The following MALT1 variants were observed in gnomAD, a reference collection of about 807,000 sequenced individuals.
MALT1 encodes MALT1 paracaspase.
Under a neutral mutation model 85.5 loss-of-function variants are expected in MALT1, and 36 were observed. The ratio of observed to expected loss-of-function variants is 0.42; its 90% CI spans 0.32 to 0.56. The LOEUF is 0.56. Ranked by LOEUF, MALT1 falls within the 20% of genes least tolerant of loss-of-function variation. MALT1 has a pLI of 0.10. For missense variants in MALT1, 716 were observed against 981.6 expected, an observed-to-expected ratio of 0.73 and a Z score of 3.62; for synonymous variants, 359 against 361.3, an observed-to-expected ratio of 0.99 and a Z score of 0.07.
intron 15 of MALT1, among the ~76,000 whole-genome samples, chr18:58,745,106 G>C (rs1271903491): frequency 6.6e-6 from 1 of 151,828 alleles, no homozygotes; most frequent in African/African-American, 2.4e-5. Flanking sequence ...CCAGAATTGA[G>C]TGGCCACCCC....
At chr18:58,679,204 C>T (rs1016218609) in intron 1 of MALT1, among the ~76,000 whole-genome samples, 1 of 152,170 alleles carries the variant, frequency 6.6e-6, no homozygotes, top group Non-Finnish European at 1.5e-5. Flanking sequence ...TGGTATACCA[C>T]TACTGCACAC....
At chr18:58,738,121 C>T (rs1373471798) in intron 13 of MALT1, among the ~76,000 whole-genome samples, 1 of 152,126 alleles carries the variant, frequency 6.6e-6, no homozygotes, top group Non-Finnish European at 1.5e-5. Flanking sequence ...TCCCTTCCCC[C>T]ACTCCATGAT....
Position 58,719,473 on chromosome 18 carries a change from G to A in MALT1, c.1018+3506G>A, listed in dbSNP as rs546121486. ...TTGGTTCCTTCTCCCTCCCTGAGTG[G>A]TCTCTCCATGTAGCTGTTTTCTTTA... On this transcript the variant is annotated intron_variant, in intron 9 of 16. Transcript: ENST00000649217. 3.3e-5 allele frequency among the ~76,000 whole-genome samples: 5 copies of A among 151,950 alleles called. No homozygotes were observed. In the South Asian group the frequency reaches 1.0e-3, roughly 32 times the overall value.
At chr18:58,721,931 G>A (rs934073677) in intron 9 of MALT1, among the ~76,000 whole-genome samples, 2 of 152,154 alleles carry the variant, frequency 1.3e-5, no homozygotes, top group African/African-American at 2.4e-5. Context: ...CGGCTCTTCA[G>A]CCAGTTGGCT....
chr18:58,671,679 G>A lies in MALT1; in HGVS notation c.36G>A (p.Pro12=). The change falls in exon 1 of 17, where the codon CCG becomes CCA. Residue 12 remains proline (P), a synonymous_variant. Coordinates refer to ENST00000649217, the MANE Select transcript of MALT1 (RefSeq NM_006785.4). ...SLLGDPLQAL[P]PSAAPTGPLL... is the part of the protein sequence containing the mutation. ...TGGGGGACCCGCTACAGGCCCTGCC[G>A]CCCTCGGCCGCCCCCACGGGGCCGC... is the stretch of plus-strand genomic sequence containing the variant. 3 of 1,245,170 alleles carry A rather than the reference G, an allele frequency of 2.4e-6. No homozygotes were observed. Among genetic ancestry groups the A allele is most frequent in the Non-Finnish European group, 2.0e-6 (2 of 996,186 alleles). The allele number at this position is 1,245,170 out of a possible 1,614,324, so 77.1% of individuals were successfully genotyped here. A position where few individuals can be genotyped will look rare whatever the true frequency, so the allele number is the denominator to read the frequency against.
chr18:58,687,784 A>T (rs1260206484), intron 2 of MALT1, among the ~76,000 whole-genome samples: 1 of 152,248 alleles, frequency 6.6e-6, no homozygotes, highest in Non-Finnish European at 1.5e-5. Flanking sequence ...ATCCTAATTT[A>T]TCTTTCTTAT....
chr18:58,689,504 A>G (rs1467695076), intron 2 of MALT1, among the ~76,000 whole-genome samples: 1 of 152,192 alleles, frequency 6.6e-6, no homozygotes, highest in African/African-American at 2.4e-5. Flanking sequence ...ACTAACACCC[A>G]CTGCAGTGCC....
At chr18:58,692,127 T>G (rs1335600488) in intron 2 of MALT1, 2 of 151,366 alleles carry the variant, frequency 1.3e-5, no homozygotes, top group Non-Finnish European at 2.9e-5. Context: ...ATCCAGGAAG[T>G]TTTTAGCTCT....
rs1392476722 is a variant in MALT1 at position 58,751,673 on chromosome 18, A to T, written c.*3831A>T. The T allele has an allele frequency of 3.3e-5, 5 of 152,206 alleles. No individual in the cohort carries two copies. Among genetic ancestry groups the T allele is most frequent in the Non-Finnish European group, 7.3e-5 (5 of 68,028 alleles). 9.4% of individuals were successfully genotyped at this position (152,206 alleles called of 1,614,324 possible). On this transcript the variant is annotated 3_prime_UTR_variant, in exon 17 of 17. Coordinates refer to ENST00000649217, the MANE Select transcript of MALT1 (RefSeq NM_006785.4). The stretch of plus-strand genomic sequence containing the variant: ...ACACAAGTGGAATTTAGAAAAGATG[A>T]TAATCTATCAAATCTGTCAATACCA...
intron 9 of MALT1, among the ~76,000 whole-genome samples, chr18:58,719,811 C>T (rs957079723): frequency 6.6e-6 from 1 of 152,210 alleles, no homozygotes; most frequent in Non-Finnish European, 1.5e-5. Flanking sequence ...CTGCCTGTTC[C>T]TCACCCACAC....
rs2055453512 is a variant in MALT1, at chr18:58,752,040, A to C, written c.*4198A>C. 1 of 152,224 alleles carries C rather than the reference A, an allele frequency of 6.6e-6. No individual in the cohort carries two copies. Among genetic ancestry groups the C allele is most frequent in the African/African-American group, 2.4e-5 (1 of 41,460 alleles). 9.4% of individuals were successfully genotyped at this position (152,224 alleles called of 1,614,324 possible). On this transcript the variant is annotated 3_prime_UTR_variant, in exon 17 of 17. Transcript: ENST00000649217. ...CTCTTTTCAAATCTCTGACTTGCACATGAAGTAACAGTGAGGTGTCCTGTG... is the reference window on the plus strand; with the variant it reads ...CTCTTTTCAAATCTCTGACTTGCACCTGAAGTAACAGTGAGGTGTCCTGTG...
In MALT1 at chr18:58,750,462, A is replaced by T. The variant is rs1235288742; in HGVS notation, c.*2620A>T. On this transcript the variant is annotated 3_prime_UTR_variant, in exon 17 of 17. Transcript: ENST00000649217. ...TAGCCAAAAAACCTTGGAAAAGAAC[A>T]AAGTTGGAAGACGTACCAATTTCAA... The T allele has an allele frequency of 6.6e-6, 1 of 152,246 alleles. No homozygotes were observed. Among genetic ancestry groups the T allele is most frequent in the Non-Finnish European group, 1.5e-5 (1 of 68,038 alleles). 9.4% of individuals were successfully genotyped at this position (152,246 alleles called of 1,614,324 possible). A position where few individuals can be genotyped will look rare whatever the true frequency, so the allele number is the denominator to read the frequency against.
chr18:58,671,582 G>A lies in MALT1; in HGVS notation c.-62G>A. 9.0e-7 allele frequency: 1 copy of A among 1,111,522 alleles called. No individual in the cohort carries two copies. Among genetic ancestry groups the A allele is most frequent in the Non-Finnish European group, 1.1e-6 (1 of 884,946 alleles). 68.9% of individuals were successfully genotyped at this position (1,111,522 alleles called of 1,614,324 possible). A position where few individuals can be genotyped will look rare whatever the true frequency, so the allele number is the denominator to read the frequency against. Reference sequence around the variant, plus strand: ...TCGGAGGCGAGCGGAAGGTGCCCCGGGGCCGAGGCCCGTGACGGGGCGGGC... The same window carrying A: ...TCGGAGGCGAGCGGAAGGTGCCCCGAGGCCGAGGCCCGTGACGGGGCGGGC... On this transcript the variant is annotated 5_prime_UTR_variant, in exon 1 of 17. Transcript: ENST00000649217.
chr18:58,722,590 G>GA (rs34931112), intron 9 of MALT1, among the ~76,000 whole-genome samples: 64,239 of 151,924 alleles, frequency 0.42, 14,462 homozygotes, highest in African/African-American at 0.59. Flanking sequence ...ACTCTGATGG[G>GA]ATTCTTCCTG....
chr18:58,711,719 G>C (rs1320121133), intron 7 of MALT1, among the ~76,000 whole-genome samples: 5 of 152,046 alleles, frequency 3.3e-5, no homozygotes, highest in African/African-American at 9.7e-5. Context: ...ATAAGCTTAG[G>C]CTCTACTTGG....
At chr18:58,687,597 G>A (rs2054424246) in intron 2 of MALT1, among the ~76,000 whole-genome samples, 1 of 152,198 alleles carries the variant, frequency 6.6e-6, no homozygotes, top group Non-Finnish European at 1.5e-5. Flanking sequence ...ACAAGTTTTA[G>A]ATGGAAGTTG....
intron 7 of MALT1, 70 bp downstream of exon 7, chr18:58,711,023 T>G: frequency 9.2e-7 from 1 of 1,085,948 alleles, no homozygotes. Flanking sequence ...GTGGAGTGCT[T>G]TTAGCCTACT....
In MALT1 at chr18:58,673,293, A is replaced by G. The variant is rs540718324; in HGVS notation, c.209+1441A>G. ...ATAAGGGTTTATCCAGGAATGGACT[A>G]TTATTTGGGGACCTTTACAATAACA... is the stretch of plus-strand genomic sequence containing the variant. On this transcript the variant is annotated intron_variant, in intron 1 of 16. Transcript: ENST00000649217. Among the ~76,000 whole-genome samples, 3 of 152,368 alleles carry G rather than the reference A, an allele frequency of 2.0e-5. No individual in the cohort carries two copies. In the East Asian group the frequency reaches 5.8e-4, roughly 29 times the overall value.
intron 7 of MALT1, among the ~76,000 whole-genome samples, chr18:58,711,585 T>C (rs1474823436): frequency 6.6e-6 from 1 of 152,208 alleles, no homozygotes; most frequent in Non-Finnish European, 1.5e-5. Context: ...CAAAGCATTG[T>C]ACTTAAATTG....
Sources: allele counts gnomAD v4.1 joint callset (sites outside exome capture counted in the v4.1 genomes callset), GRCh38; gene constraint gnomAD v4.1.1; transcripts MANE v1.5; gene names NCBI Gene and HGNC (gene_info 2026-07-23, HGNC 2026-07-21).